Variants in PTCHD4 observed in about 807,000 individuals in gnomAD.
PTCHD4 encodes patched domain-containing protein 4.
A neutral mutation model predicts 58.1 loss-of-function variants in PTCHD4; 33 were observed. The observed-to-expected ratio is 0.57, with a 90% CI of 0.43 to 0.76. The LOEUF (loss-of-function observed/expected upper bound fraction) is 0.76. Among genes scored for constraint, PTCHD4 ranks in the 30% least tolerant of loss-of-function variants. The pLI is 0.00. For missense variants in PTCHD4, 1,058 were observed against 1,027.1 expected (o/e 1.03, Z -0.41); for synonymous variants, 478 against 409.6 (o/e 1.17, Z -2.02).
chr6:48,020,150 T>C (rs1190516058), intron 3 of PTCHD4, among the ~76,000 whole-genome samples: 1 of 152,116 alleles, frequency 6.6e-6, no homozygotes, highest in Non-Finnish European at 1.5e-5. Context: ...AAAAATGAAC[T>C]CCAGGTATGC....
intron 4 of PTCHD4, among the ~76,000 whole-genome samples, chr6:47,903,052 T>G (rs1764763447): frequency 6.6e-6 from 1 of 152,184 alleles, no homozygotes; most frequent in South Asian, 2.1e-4. Flanking sequence ...TAACTTAATT[T>G]CCTTTCCTTC....
intron 3 of PTCHD4, among the ~76,000 whole-genome samples, chr6:48,044,648 G>T (rs1397707290): frequency 6.6e-6 from 1 of 151,770 alleles, no homozygotes; most frequent in Admixed American, 6.6e-5. Context: ...ATGCTCATTT[G>T]CTTATGCAGT....
chr6:47,893,768 G>C (rs527651442), intron 4 of PTCHD4, among the ~76,000 whole-genome samples: 2 of 152,300 alleles, frequency 1.3e-5, no homozygotes, highest in Admixed American at 1.3e-4. Context: ...AGCAGCATAG[G>C]AATTTAAGTT....
rs181876093 is a variant in PTCHD4, at chr6:47,895,776, G to A, written c.899-15840C>T. On this transcript the variant is annotated intron_variant, in intron 4 of 4. Coordinates refer to ENST00000339488, the MANE Select transcript of PTCHD4 (RefSeq NM_001384253.1). ...AAAATTTGCTCCCAGTTGTATCCTCGTATGCCAAGTATTTTGCCACATACC... is the reference window on the plus strand; with the variant it reads ...AAAATTTGCTCCCAGTTGTATCCTCATATGCCAAGTATTTTGCCACATACC... Among the ~76,000 whole-genome samples the A allele has an allele frequency of 7.9e-5, 12 of 151,788 alleles. No individual in the cohort carries two copies. The East Asian group carries it at 1.4e-3, about 17-fold the overall frequency.
intron 4 of PTCHD4, among the ~76,000 whole-genome samples, chr6:47,961,637 A>G (rs1220303535): frequency 6.6e-6 from 1 of 152,204 alleles, no homozygotes; most frequent in Non-Finnish European, 1.5e-5. Context: ...AGGGATAGTA[A>G]TAAAGGTCAT....
intron 3 of PTCHD4, among the ~76,000 whole-genome samples, chr6:48,066,428 T>A (rs1764799839): frequency 6.6e-6 from 1 of 152,166 alleles, no homozygotes; most frequent in Admixed American, 6.5e-5. Context: ...AACTACAAAG[T>A]TGACTCCATA....
chr6:48,083,269 A>G (rs1180833313), intron 1 of PTCHD4, among the ~76,000 whole-genome samples: 1 of 151,910 alleles, frequency 6.6e-6, no homozygotes, highest in Non-Finnish European at 1.5e-5. Flanking sequence ...TTATATGGGT[A>G]ACTATATAAC....
chr6:48,099,329 G>A (rs2113910557), intron 1 of PTCHD4, among the ~76,000 whole-genome samples: 1 of 152,318 alleles, frequency 6.6e-6, no homozygotes, highest in East Asian at 1.9e-4. Context: ...AGCCACTTTA[G>A]GAATTTCTGT....
Position 48,109,559 on chromosome 6 carries a change from TA to T in PTCHD4, c.-970+1489del, listed in dbSNP as rs147083119. 7.6e-3 allele frequency among the ~76,000 whole-genome samples: 1,156 copies of T among 152,100 alleles called. 24 individuals are homozygous for T. Among genetic ancestry groups the T allele is most frequent in the African/African-American group, 0.026 (1,087 of 41,520 alleles). On this transcript the variant is annotated intron_variant, in intron 1 of 4. Transcript: ENST00000339488. The stretch of plus-strand genomic sequence containing the variant: ...AAAGGCAAAAATAAACAAGTGGGAC[TA>T]CATCAAACTAAAAAGCTCCTTCAGA...
At chr6:47,999,319 A>G (rs1768628503) in intron 4 of PTCHD4, among the ~76,000 whole-genome samples, 2 of 152,184 alleles carry the variant, frequency 1.3e-5, no homozygotes, top group Non-Finnish European at 2.9e-5. Flanking sequence ...ATCATTGGCC[A>G]GTGTTTTTCA....
Position 47,878,605 on chromosome 6 carries a change from A to T in PTCHD4, c.2230T>A (p.Cys744Ser). 6.2e-7 allele frequency: 1 copy of T among 1,613,538 alleles called. No homozygotes were observed. The highest frequency in any genetic ancestry group is 8.5e-7 in the Non-Finnish European group (1 of 1,179,726). Residue 744 changes from cysteine to serine, a missense_variant, in exon 5 of 5, where the codon TGT becomes AGT. Cys to Ser is a moderately radical substitution (Grantham distance 112). Transcript: ENST00000339488. The stretch of plus-strand genomic sequence containing the variant: ...TGGTCTTGCAAGGAGCTTTTTATAC[A>T]TTGTGTTCGGGTGTGCTCAGTTGCT... ...VLATEHTRTQ[C>S]IKSSLQDHGT...
intron 4 of PTCHD4, among the ~76,000 whole-genome samples, chr6:47,970,368 T>C (rs1483976615): frequency 1.3e-5 from 2 of 152,044 alleles, no homozygotes; most frequent in Admixed American, 1.3e-4. Flanking sequence ...TGACTAAGCA[T>C]GGGGAAAGAT....
chr6:48,106,182 C>T (rs557650982), intron 1 of PTCHD4, among the ~76,000 whole-genome samples: 222 of 152,278 alleles, frequency 1.5e-3, no homozygotes, highest in African/African-American at 4.5e-3. Context: ...CCTTGATGAA[C>T]ATTGATGCAA....
chr6:48,067,040 T>C (rs1191352056), intron 3 of PTCHD4, among the ~76,000 whole-genome samples: 2 of 152,170 alleles, frequency 1.3e-5, no homozygotes, highest in African/African-American at 2.4e-5. Context: ...ACACATATCT[T>C]CACATACATT....
At position 47,869,590 on chromosome 6, in the gene PTCHD4, T is replaced by G. The variant is rs1438187606; in HGVS notation, c.*8713A>C. On this transcript the variant is annotated 3_prime_UTR_variant, in exon 5 of 5. Transcript: ENST00000339488. ...TTAGAGACATTTGTGAACTTAGGGA[T>G]TCATAAAAATATCTCTCAGGAATGC... 1.3e-5 allele frequency among the ~76,000 whole-genome samples: 2 copies of G among 151,670 alleles called. No individual in the cohort carries two copies. Among genetic ancestry groups the G allele is most frequent in the Non-Finnish European group, 3.0e-5 (2 of 67,732 alleles).
intron 4 of PTCHD4, among the ~76,000 whole-genome samples, chr6:47,966,364 G>A (rs1196120041): frequency 6.6e-6 from 1 of 152,258 alleles, no homozygotes; most frequent in East Asian, 1.9e-4. Context: ...ATATTTTTTG[G>A]TAAAAAGTGC....
At chr6:47,941,193 A>G (rs1766208083) in intron 4 of PTCHD4, among the ~76,000 whole-genome samples, 1 of 152,176 alleles carries the variant, frequency 6.6e-6, no homozygotes, top group Non-Finnish European at 1.5e-5. Context: ...CCAATGAGAG[A>G]CACTTTTGAA....
chr6:48,000,875 C>T (rs1768693268), intron 4 of PTCHD4, among the ~76,000 whole-genome samples: 1 of 152,138 alleles, frequency 6.6e-6, no homozygotes, highest in South Asian at 2.1e-4. Flanking sequence ...GTGTTCCCAT[C>T]AGCATGCAAA....
chr6:47,998,709 T>C (rs1222576810), intron 4 of PTCHD4, among the ~76,000 whole-genome samples: 1 of 152,148 alleles, frequency 6.6e-6, no homozygotes, highest in Non-Finnish European at 1.5e-5. Flanking sequence ...AAAATTCACC[T>C]CTTACTTCTC....
Sources: gnomAD v4.1 joint callset for allele counts (sites outside exome capture counted in the v4.1 genomes callset) on GRCh38, gnomAD v4.1.1 for gene constraint, MANE v1.5 for transcripts, NCBI Gene and HGNC (gene_info 2026-07-23, HGNC 2026-07-21) for gene names.